The following MAST2 variants were observed in gnomAD, a reference collection of about 807,000 sequenced individuals.
MAST2 encodes the protein microtubule-associated serine/threonine-protein kinase 2.
In MAST2, 70 loss-of-function variants were observed where a neutral mutation model predicts 147.4. The ratio of observed to expected loss-of-function variants is 0.47; its 90% CI spans 0.39 to 0.58. MAST2 has a LOEUF of 0.58. Among genes scored for constraint, MAST2 ranks in the 20% least tolerant of loss-of-function variants. The pLI is 0.00. For missense variants in MAST2, 2,080 were observed against 2,302.3 expected (o/e 0.90, Z 1.98); for synonymous variants, 869 against 896.8 (o/e 0.97, Z 0.55).
At chr1:45,838,368 C>T (rs1355624835) in intron 3 of MAST2, among the ~76,000 whole-genome samples, 4 of 151,298 alleles carry the variant, frequency 2.6e-5, no homozygotes, top group Admixed American at 6.6e-5. Context: ...TACAGGCATG[C>T]ACCACCATGC....
At chr1:45,908,192 T>C (rs558132253) in intron 4 of MAST2, among the ~76,000 whole-genome samples, 1 of 152,140 alleles carries the variant, frequency 6.6e-6, no homozygotes, top group African/African-American at 2.4e-5. Flanking sequence ...TACTTTTAAG[T>C]TTTTTTAAAT....
intron 1 of MAST2, 65 bp from the exon 2 acceptor site, chr1:45,824,368 T>C (rs1644727600): frequency 7.8e-7 from 1 of 1,280,264 alleles, no homozygotes; most frequent in Non-Finnish European, 1.1e-6. Context: ...AGATGTTTAA[T>C]ATAAAGTTTT....
At chr1:45,968,330 C>G (rs929710008) in intron 5 of MAST2, among the ~76,000 whole-genome samples, 1 of 152,144 alleles carries the variant, frequency 6.6e-6, no homozygotes, top group African/African-American at 2.4e-5. Flanking sequence ...AATTTTCTCT[C>G]TGAACAACTT....
In MAST2 at chr1:45,985,474, T is replaced by C. The variant is rs562911193; in HGVS notation, c.593-12250T>C. 5.9e-5 allele frequency among the ~76,000 whole-genome samples: 9 copies of C among 152,376 alleles called. No individual in the cohort carries two copies. In the South Asian group the frequency reaches 1.2e-3, roughly 21 times the overall value. ...AATACATCTGTCATCTCCTAAAGTT[T>C]CCCTAGGTCCTTTTGTAATTACTTG... On this transcript the variant is annotated intron_variant, in intron 5 of 28. Transcript: ENST00000361297.
intron 3 of MAST2, among the ~76,000 whole-genome samples, chr1:45,836,504 A>T (rs1645105080): frequency 6.6e-6 from 1 of 151,978 alleles, no homozygotes; most frequent in African/African-American, 2.4e-5. Flanking sequence ...TTCTTAATTT[A>T]TTTTTCCTTA....
intron 6 of MAST2, among the ~76,000 whole-genome samples, chr1:46,001,338 C>G (rs375398468): frequency 1.3e-5 from 2 of 152,166 alleles, no homozygotes; most frequent in Non-Finnish European, 2.9e-5. Context: ...TCTGGTGGCC[C>G]CTGCTGTTCA....
intron 3 of MAST2, among the ~76,000 whole-genome samples, chr1:45,835,321 A>G (rs943364679): frequency 7.9e-5 from 12 of 152,186 alleles, no homozygotes; most frequent in African/African-American, 2.9e-4. Flanking sequence ...CAGTTCTGAC[A>G]GGGAGAGCCA....
At chr1:45,976,772 A>G (rs773702161) in intron 5 of MAST2, among the ~76,000 whole-genome samples, 1 of 152,328 alleles carries the variant, frequency 6.6e-6, no homozygotes, top group Non-Finnish European at 1.5e-5. Context: ...ATATATGACT[A>G]TGAGAAAAAT....
rs530118667 is a variant in MAST2 at position 45,880,732 on chromosome 1, G to C, written c.469-1632G>C. On this transcript the variant is annotated intron_variant, in intron 3 of 28. Transcript: ENST00000361297. ...GTGATGGCTGACACCTGTAATCTCA[G>C]CACTGTGGGAGACCAAGGTGGGAGG... Among the ~76,000 whole-genome samples the C allele has an allele frequency of 1.1e-4, 17 of 152,198 alleles. No individual in the cohort carries two copies. The South Asian group carries it at 3.5e-3, about 32-fold the overall frequency.
intron 10 of MAST2, among the ~76,000 whole-genome samples, chr1:46,017,623 A>AGT (rs1646010220): frequency 6.6e-6 from 1 of 152,070 alleles, no homozygotes; most frequent in Non-Finnish European, 1.5e-5. Flanking sequence ...ATGAGATACC[A>AGT]TCTCACACCA....
chr1:45,883,241 T>C (rs1274659491), intron 4 of MAST2, among the ~76,000 whole-genome samples: 1 of 152,234 alleles, frequency 6.6e-6, no homozygotes, highest in African/African-American at 2.4e-5. Flanking sequence ...AGCATTCATA[T>C]TTATTAAGTA....
At chr1:45,960,792 A>G (rs1167896370) in intron 5 of MAST2, among the ~76,000 whole-genome samples, 1 of 152,234 alleles carries the variant, frequency 6.6e-6, no homozygotes, top group African/African-American at 2.4e-5. Flanking sequence ...CTGCCTGGGC[A>G]TAGAAAGCCA....
intron 12 of MAST2, 120 bp from the exon 13 acceptor site, chr1:46,022,789 TC>T: frequency 1.3e-6 from 1 of 775,018 alleles, no homozygotes; most frequent in Admixed American, 1.9e-5. Context: ...TGAATTCACA[TC>T]CTAGGCTGAT....
intron 5 of MAST2, among the ~76,000 whole-genome samples, chr1:45,987,777 A>ATTTTTTTTTTTTTTTTTTTTAT (rs1644695907): frequency 4.6e-5 from 1 of 21,778 alleles, no homozygotes; most frequent in Non-Finnish European, 7.5e-5. Context: ...TTTTTTTTTG[A>ATTTTTTTTTTTTTTTTTTTTAT]TTTTTTTTTT....
rs1327768057 is a variant in MAST2, at chr1:46,031,647, G to A, written c.3187+62G>A. On this transcript the variant is annotated intron_variant, in intron 24 of 28. Coordinates refer to ENST00000361297, the MANE Select transcript of MAST2 (RefSeq NM_015112.3). This position sits in a 1 kb window ranked among gnomAD's most constrained non-coding sequence, Gnocchi z 4.1. ...AAGGGCCTTGTAATCTCTAGGCCTT[G>A]GGAGGGTTCTGCACGTGGCAGGTGT... The A allele has an allele frequency of 1.3e-6, 2 of 1,519,500 alleles. No individual in the cohort carries two copies. The highest frequency in any genetic ancestry group is 1.8e-6 in the Non-Finnish European group (2 of 1,115,466). 94.1% of individuals were successfully genotyped at this position (1,519,500 alleles called of 1,614,324 possible). A position where few individuals can be genotyped will look rare whatever the true frequency, so the allele number is the denominator to read the frequency against.
chr1:45,875,517 GTACTAT>G (rs2148219901), intron 3 of MAST2, among the ~76,000 whole-genome samples: 1 of 152,230 alleles, frequency 6.6e-6, no homozygotes, highest in South Asian at 2.1e-4. Flanking sequence ...CAGAAAACAG[GTACTAT>G]ATATGATATT....
intron 4 of MAST2, among the ~76,000 whole-genome samples, chr1:45,902,612 C>CT (rs896331236): frequency 4.1e-3 from 575 of 141,510 alleles, no homozygotes; most frequent in African/African-American, 0.012. Flanking sequence ...TGGTCCTGGG[C>CT]TTTTTTTTTT....
At chr1:45,965,699 G>C (rs1557975816) in intron 5 of MAST2, among the ~76,000 whole-genome samples, 1 of 151,988 alleles carries the variant, frequency 6.6e-6, no homozygotes, top group Non-Finnish European at 1.5e-5. Flanking sequence ...AGCCATTCGA[G>C]AAATGGAAAC....
At chr1:45,988,167 C>T (rs1644724776) in intron 5 of MAST2, among the ~76,000 whole-genome samples, 1 of 152,040 alleles carries the variant, frequency 6.6e-6, no homozygotes, top group African/African-American at 2.4e-5. Flanking sequence ...TGCCTGCCAC[C>T]ACACCCAGCT....
Sources: allele counts gnomAD v4.1 joint callset (sites outside exome capture counted in the v4.1 genomes callset), GRCh38; gene constraint gnomAD v4.1.1; non-coding constraint Gnocchi (gnomAD v3.1); transcripts MANE v1.5; gene names NCBI Gene and HGNC (gene_info 2026-07-23, HGNC 2026-07-21).